Variants in HTR1F observed in about 807,000 individuals in gnomAD.
HTR1F encodes the protein 5-hydroxytryptamine receptor 1F.
In HTR1F, 17 loss-of-function variants were observed where a neutral mutation model predicts 24.0. The observed-to-expected ratio is 0.71, with a 90% CI of 0.48 to 1.06. The LOEUF is 1.06. Ranked by LOEUF, HTR1F falls within the 50% of genes least tolerant of loss-of-function variation. The probability of loss-of-function intolerance (pLI) is 0.00; values close to 1 mark genes in which losing one functional copy is unlikely to be tolerated. For missense variants in HTR1F, 391 were observed against 427.8 expected, an observed-to-expected ratio of 0.91 and a Z score of 0.76; for synonymous variants, 186 against 156.8, an observed-to-expected ratio of 1.19 and a Z score of -1.39.
intron 2 of HTR1F, among the ~76,000 whole-genome samples, chr3:87,912,944 T>C (rs1703812623): frequency 6.6e-6 from 1 of 152,126 alleles, no homozygotes; most frequent in Non-Finnish European, 1.5e-5. Flanking sequence ...CAACTCAAGA[T>C]GGATTGAAGA....
At chr3:87,963,619 T>C (rs533497423) in intron 2 of HTR1F, among the ~76,000 whole-genome samples, 1 of 152,286 alleles carries the variant, frequency 6.6e-6, no homozygotes, top group African/African-American at 2.4e-5. Context: ...GGGCCTCAAA[T>C]GTTTTCTACA....
rs1304330713 is a variant in HTR1F at position 87,885,206 on chromosome 3, T to C, written c.-43+63082T>C. Among the ~76,000 whole-genome samples, 7 of 152,196 alleles carry C rather than the reference T, an allele frequency of 4.6e-5. No individual in the cohort carries two copies. In the East Asian group the frequency reaches 1.4e-3, roughly 29 times the overall value. ...AGAAACTCACTGAAAACCACACAAC[T>C]ACATGGAAACTGAACAACCTGCTCT... On this transcript the variant is annotated intron_variant, in intron 2 of 2. Coordinates refer to ENST00000319595, the MANE Select transcript of HTR1F (RefSeq NM_001322209.2).
intron 1 of HTR1F, among the ~76,000 whole-genome samples, chr3:87,812,149 G>A (rs755459641): frequency 6.6e-5 from 10 of 152,166 alleles, no homozygotes; most frequent in African/African-American, 2.4e-4. Flanking sequence ...TTAGTACAAA[G>A]AGTGGGGTAC....
In HTR1F at chr3:87,894,739, C is replaced by T. The variant is rs1428441946; in HGVS notation, c.-43+72615C>T. Among the ~76,000 whole-genome samples the T allele has an allele frequency of 2.0e-5, 3 of 151,932 alleles. No homozygotes were observed. The East Asian group carries it at 5.8e-4, about 29-fold the overall frequency. ...TATCTTAACCAAGATAACTTAGTCT[C>T]CTTATACCTCAGTTTCCTTTACTGT... On this transcript the variant is annotated intron_variant, in intron 2 of 2. Coordinates refer to ENST00000319595, the MANE Select transcript of HTR1F (RefSeq NM_001322209.2).
intron 1 of HTR1F, among the ~76,000 whole-genome samples, chr3:87,800,522 G>A (rs796973712): frequency 2.6e-4 from 39 of 152,278 alleles, no homozygotes; most frequent in African/African-American, 9.1e-4. Flanking sequence ...AATATCCATA[G>A]TGCATTCACC....
At chr3:87,974,005 G>A (rs1368652583) in intron 2 of HTR1F, among the ~76,000 whole-genome samples, 1 of 152,184 alleles carries the variant, frequency 6.6e-6, no homozygotes, top group Non-Finnish European at 1.5e-5. Context: ...AGCACCCAGA[G>A]ACAAGTCCCA....
At chr3:87,945,130 C>CT (rs199690892) in intron 2 of HTR1F, among the ~76,000 whole-genome samples, 1 of 151,640 alleles carries the variant, frequency 6.6e-6, no homozygotes, top group Non-Finnish European at 1.5e-5. Flanking sequence ...CTCTCTCTCT[C>CT]CTCCATCTCT....
chr3:87,977,315 A>C (rs564833591), intron 2 of HTR1F, among the ~76,000 whole-genome samples: 1 of 152,080 alleles, frequency 6.6e-6, no homozygotes, highest in Non-Finnish European at 1.5e-5. Context: ...GGTACCTAAC[A>C]GATTTATATG....
chr3:87,914,574 C>T (rs925760496), intron 2 of HTR1F, among the ~76,000 whole-genome samples: 4 of 151,856 alleles, frequency 2.6e-5, no homozygotes, highest in Non-Finnish European at 5.9e-5. Flanking sequence ...TGCCAGCTTT[C>T]CCCCCACTTC....
At chr3:87,990,004 G>A (rs1050945090) in intron 2 of HTR1F, among the ~76,000 whole-genome samples, 5 of 152,114 alleles carry the variant, frequency 3.3e-5, no homozygotes, top group Non-Finnish European at 7.4e-5. Flanking sequence ...GCCTTCTTCT[G>A]GAGCCTCAGT....
chr3:87,841,265 A>G (rs1435220348), intron 2 of HTR1F, among the ~76,000 whole-genome samples: 1 of 151,906 alleles, frequency 6.6e-6, no homozygotes, highest in Non-Finnish European at 1.5e-5. Context: ...TTGTCAATTA[A>G]AAATAAAACT....
intron 2 of HTR1F, among the ~76,000 whole-genome samples, chr3:87,864,876 A>C (rs1705390545): frequency 6.8e-6 from 1 of 147,006 alleles, no homozygotes; most frequent in African/African-American, 2.6e-5. Flanking sequence ...AGCCTGGGTG[A>C]GCAAGACTTC....
intron 2 of HTR1F, among the ~76,000 whole-genome samples, chr3:87,833,983 C>CA (rs1276617215): frequency 3.3e-5 from 5 of 152,090 alleles, no homozygotes; most frequent in Non-Finnish European, 5.9e-5. Context: ...GTTGTATCTT[C>CA]AAAAATATAT....
chr3:87,990,993 G>C lies in HTR1F; in HGVS notation c.244G>C (p.Val82Leu). Residue 82 changes from valine to leucine, a missense_variant, in exon 3 of 3, where the codon GTG becomes CTG. Coordinates refer to ENST00000319595, the MANE Select transcript of HTR1F (RefSeq NM_001322209.2). ...VAVLVMPFSI[V>L]YIVRESWIMG... ...TGTCCTGGTGATGCCCTTCAGCATT[G>C]TGTATATTGTGAGAGAGAGCTGGAT... is the stretch of plus-strand genomic sequence containing the variant. 1 of 1,614,138 alleles carries C rather than the reference G, an allele frequency of 6.2e-7. No individual in the cohort carries two copies. Among genetic ancestry groups the C allele is most frequent in the Non-Finnish European group, 8.5e-7 (1 of 1,180,038 alleles).
intron 2 of HTR1F, among the ~76,000 whole-genome samples, chr3:87,848,769 C>G (rs749914304): frequency 5.9e-5 from 9 of 151,542 alleles, no homozygotes; most frequent in Non-Finnish European, 1.3e-4. Context: ...TCTCAGGATA[C>G]AAAACCAATG....
At chr3:87,968,961 G>A (rs573407321) in intron 2 of HTR1F, among the ~76,000 whole-genome samples, 1 of 152,324 alleles carries the variant, frequency 6.6e-6, no homozygotes, top group South Asian at 2.1e-4. Context: ...GTACAGCTTG[G>A]GCCATGGATT....
intron 2 of HTR1F, among the ~76,000 whole-genome samples, chr3:87,918,902 G>C (rs533809034): frequency 1.3e-5 from 2 of 151,934 alleles, no homozygotes; most frequent in Non-Finnish European, 2.9e-5. Flanking sequence ...AACCAACAAA[G>C]GGCCCGCATA....
chr3:87,832,480 G>A (rs1332115496), intron 2 of HTR1F, among the ~76,000 whole-genome samples: 3 of 151,770 alleles, frequency 2.0e-5, no homozygotes, highest in South Asian at 2.1e-4. Flanking sequence ...GGCGCACGCC[G>A]CCACACCCGG....
chr3:87,879,175 A>G (rs1705733005), intron 2 of HTR1F, among the ~76,000 whole-genome samples: 4 of 152,190 alleles, frequency 2.6e-5, no homozygotes, highest in Admixed American at 2.6e-4. Context: ...AGGTAACATA[A>G]TCTCCAATCT....
Sources: gnomAD v4.1 joint callset for allele counts (sites outside exome capture counted in the v4.1 genomes callset) on GRCh38, gnomAD v4.1.1 for gene constraint, MANE v1.5 for transcripts, NCBI Gene and HGNC (gene_info 2026-07-23, HGNC 2026-07-21) for gene names.